The following HECW1 variants were observed in gnomAD, a reference collection of about 807,000 sequenced individuals.
The protein encoded by HECW1 is E3 ubiquitin-protein ligase HECW1.
In HECW1, 61 loss-of-function variants were observed where a neutral mutation model predicts 182.3. The observed-to-expected ratio is 0.33, with a 90% CI of 0.27 to 0.41. The LOEUF is 0.41. Among genes scored for constraint, HECW1 ranks in the 10% least tolerant of loss-of-function variants. The pLI is 1.00. For missense variants in HECW1, 1,739 were observed against 2,108.9 expected, an observed-to-expected ratio of 0.82 and a Z score of 3.44; for synonymous variants, 859 against 832.6, an observed-to-expected ratio of 1.03 and a Z score of -0.55.
intron 2 of HECW1, among the ~76,000 whole-genome samples, chr7:43,226,918 G>A (rs999603381): frequency 2.0e-5 from 3 of 152,290 alleles, no homozygotes; most frequent in Non-Finnish European, 4.4e-5. Flanking sequence ...ATCTCCAGCC[G>A]TCCAAAATCT....
chr7:43,389,691 A>G (rs2074943418), intron 6 of HECW1, among the ~76,000 whole-genome samples: 1 of 151,978 alleles, frequency 6.6e-6, no homozygotes, highest in South Asian at 2.1e-4. Flanking sequence ...CCCAGGCTGG[A>G]GTGCAGTGGT....
intron 2 of HECW1, among the ~76,000 whole-genome samples, chr7:43,161,426 C>G (rs899884587): frequency 3.9e-5 from 6 of 152,154 alleles, no homozygotes; most frequent in Non-Finnish European, 7.4e-5. Context: ...TCCTAAGCCT[C>G]TAGATCCCTT....
chr7:43,122,060 A>C (rs148461961), intron 2 of HECW1: 1 of 152,190 alleles, frequency 6.6e-6, no homozygotes, highest in Non-Finnish European at 1.5e-5. Flanking sequence ...ACAAGGACAG[A>C]TTTTTATTTG....
intron 3 of HECW1, among the ~76,000 whole-genome samples, chr7:43,269,115 C>G (rs1166771937): frequency 6.6e-6 from 1 of 152,262 alleles, no homozygotes; most frequent in African/African-American, 2.4e-5. Flanking sequence ...AAAGTTCTGA[C>G]CATCTACCTC....
chr7:43,114,330 C>G lies in HECW1; in HGVS notation c.-93C>G. The G allele has an allele frequency of 1.5e-6, 2 of 1,360,918 alleles. No individual in the cohort carries two copies. The highest frequency in any genetic ancestry group is 1.9e-6 in the Non-Finnish European group (2 of 1,032,608). 84.3% of individuals were successfully genotyped at this position (1,360,918 alleles called of 1,614,324 possible). ...GGCAGTGTTGTGGTCCAAGGCGTCT[C>G]AAAGCAGGTGGCCAGATCTGCGTTT... On this transcript the variant is annotated 5_prime_UTR_variant, in exon 2 of 30. It introduces an in-frame stop codon into an upstream open reading frame of the 5' UTR. Coordinates refer to ENST00000395891, the MANE Select transcript of HECW1 (RefSeq NM_015052.5).
At chr7:43,251,436 C>T (rs142759542) in intron 3 of HECW1, among the ~76,000 whole-genome samples, 212 of 152,238 alleles carry the variant, frequency 1.4e-3, no homozygotes, top group African/African-American at 4.8e-3. Flanking sequence ...CAGCCTCAGC[C>T]TCCTGAGTAG....
At chr7:43,294,858 T>G (rs1175060863) in intron 3 of HECW1, among the ~76,000 whole-genome samples, 1 of 152,148 alleles carries the variant, frequency 6.6e-6, no homozygotes, top group Non-Finnish European at 1.5e-5. Context: ...CCTCACAACA[T>G]GAGCCAAGGT....
At chr7:43,169,208 C>G (rs1339734151) in intron 2 of HECW1, among the ~76,000 whole-genome samples, 1 of 152,150 alleles carries the variant, frequency 6.6e-6, no homozygotes, top group Non-Finnish European at 1.5e-5. Flanking sequence ...CATCTTTCCA[C>G]TACATTTTGA....
rs1184704227 is a variant in HECW1, at chr7:43,415,809, A to G, written c.801+8078A>G. 6.4e-5 allele frequency among the ~76,000 whole-genome samples: 9 copies of G among 141,590 alleles called. No homozygotes were observed. The Admixed American group carries it at 6.5e-4, about 10-fold the overall frequency. 92.9% of individuals were successfully genotyped at this position (141,590 alleles called of 152,430 possible). On this transcript the variant is annotated intron_variant, in intron 8 of 29. Transcript: ENST00000395891. ...TTCCATCGCTGATACCCTTTCTTCCAGTTGATCGCATCGGCTCCTGAGGCT... is the reference window on the plus strand; with the variant it reads ...TTCCATCGCTGATACCCTTTCTTCCGGTTGATCGCATCGGCTCCTGAGGCT...
At chr7:43,204,109 C>G (rs552081021) in intron 2 of HECW1, among the ~76,000 whole-genome samples, 62 of 152,286 alleles carry the variant, frequency 4.1e-4, no homozygotes, top group Non-Finnish European at 6.9e-4. Context: ...ATGGTTAGAA[C>G]TCTTATACCT....
At chr7:43,493,430 G>T (rs1007948353) in intron 19 of HECW1, among the ~76,000 whole-genome samples, 1 of 152,132 alleles carries the variant, frequency 6.6e-6, no homozygotes, top group Non-Finnish European at 1.5e-5. Context: ...TTGATGTAGG[G>T]GGGGGAAGGA....
At chr7:43,382,202 C>T (rs1259244989) in intron 6 of HECW1, among the ~76,000 whole-genome samples, 2 of 151,850 alleles carry the variant, frequency 1.3e-5, no homozygotes, top group African/African-American at 2.4e-5. Context: ...AGGAGAATGG[C>T]GTGAACCCAG....
At chr7:43,403,178 A>C (rs2075485034) in intron 7 of HECW1, among the ~76,000 whole-genome samples, 2 of 152,234 alleles carry the variant, frequency 1.3e-5, no homozygotes, top group African/African-American at 2.4e-5. Context: ...AGAGAAAAAC[A>C]AACAGAAGTT....
chr7:43,326,868 C>T (rs1042358947), intron 5 of HECW1, among the ~76,000 whole-genome samples: 10 of 152,314 alleles, frequency 6.6e-5, no homozygotes, highest in South Asian at 4.1e-4. Flanking sequence ...TGTTTCCCTG[C>T]GGCGAAGCAG....
At chr7:43,378,834 G>T (rs924579099) in intron 6 of HECW1, among the ~76,000 whole-genome samples, 1 of 151,692 alleles carries the variant, frequency 6.6e-6, no homozygotes, top group Non-Finnish European at 1.5e-5. Context: ...AAAGAAGGAG[G>T]CAATGTCAGG....
chr7:43,276,398 A>G (rs1236622989), intron 3 of HECW1, among the ~76,000 whole-genome samples: 1 of 152,182 alleles, frequency 6.6e-6, no homozygotes, highest in Non-Finnish European at 1.5e-5. Context: ...TTTTAAAAGG[A>G]TAAGTTTCTC....
At chr7:43,336,581 A>G (rs537656774) in intron 5 of HECW1, among the ~76,000 whole-genome samples, 3 of 152,108 alleles carry the variant, frequency 2.0e-5, no homozygotes, top group African/African-American at 7.2e-5. Context: ...CAAGGGGTAC[A>G]TGGCTTGTTT....
intron 6 of HECW1, among the ~76,000 whole-genome samples, chr7:43,374,582 G>A (rs756143967): frequency 3.8e-5 from 2 of 52,166 alleles, no homozygotes; most frequent in Non-Finnish European, 6.6e-5. Context: ...AGACCATCCC[G>A]GCTAAAACGG....
At chr7:43,463,497 T>C (rs1435170959) in intron 13 of HECW1, among the ~76,000 whole-genome samples, 163 bp from the exon 14 acceptor site, 1 of 152,220 alleles carries the variant, frequency 6.6e-6, no homozygotes, top group Non-Finnish European at 1.5e-5. Context: ...TTAGAGATAC[T>C]TGTCTTGCTA....
Sources: allele counts gnomAD v4.1 joint callset (sites outside exome capture counted in the v4.1 genomes callset), GRCh38; gene constraint gnomAD v4.1.1; transcripts MANE v1.5; gene names NCBI Gene and HGNC (gene_info 2026-07-23, HGNC 2026-07-21).